KCNH7: variants seen among roughly 807,000 people sequenced by gnomAD.
KCNH7 encodes the protein voltage-gated inwardly rectifying potassium channel KCNH7.
In KCNH7, 49 loss-of-function variants were observed where a neutral mutation model predicts 120.8. That is an observed-to-expected ratio of 0.41 (90% CI 0.32 to 0.51). The LOEUF (loss-of-function observed/expected upper bound fraction) is 0.51, where lower values mean the gene tolerates loss of function less well. KCNH7 is among the 20% of genes least tolerant of loss of function. The pLI, the probability that KCNH7 is intolerant of heterozygous loss-of-function variation, is 0.38. For missense variants in KCNH7, 1,097 were observed against 1,446.6 expected, an observed-to-expected ratio of 0.76 and a Z score of 3.92; for synonymous variants, 547 against 516.1, an observed-to-expected ratio of 1.06 and a Z score of -0.81.
intron 2 of KCNH7, among the ~76,000 whole-genome samples, chr2:162,818,671 T>C (rs1017265895): frequency 2.0e-5 from 3 of 152,216 alleles, no homozygotes; most frequent in Non-Finnish European, 4.4e-5. Flanking sequence ...ATATTTCAAG[T>C]TCCAATTCAT....
At chr2:162,773,879 T>G (rs1427891850) in intron 2 of KCNH7, among the ~76,000 whole-genome samples, 1 of 152,232 alleles carries the variant, frequency 6.6e-6, no homozygotes, top group African/African-American at 2.4e-5. Flanking sequence ...TGTCTTTCTC[T>G]TAAAATTACA....
intron 2 of KCNH7, among the ~76,000 whole-genome samples, chr2:162,591,403 C>A (rs1173114650): frequency 6.6e-6 from 1 of 151,768 alleles, no homozygotes; most frequent in South Asian, 2.1e-4. Flanking sequence ...TAAAAAAAAA[C>A]AAGCTAGAGT....
chr2:162,430,590 T>C (rs916460776), intron 8 of KCNH7, among the ~76,000 whole-genome samples: 4 of 152,068 alleles, frequency 2.6e-5, no homozygotes, highest in African/African-American at 9.7e-5. Flanking sequence ...CCCATATTGT[T>C]TGCTTTCCTT....
rs148892002 is a variant in KCNH7, at chr2:162,565,964, A to G, written c.308-28884T>C. Among the ~76,000 whole-genome samples the G allele has an allele frequency of 1.2e-3, 176 of 152,228 alleles. 1 individual carries two copies. Among genetic ancestry groups the G allele is most frequent in the African/African-American group, 4.0e-3 (168 of 41,572 alleles). Reference sequence around the variant, plus strand: ...TGTGAAGATAAAGAGTATAATAGCTATAAGGTACTTTGTATGCTAAATACT... The same window carrying G: ...TGTGAAGATAAAGAGTATAATAGCTGTAAGGTACTTTGTATGCTAAATACT... On this transcript the variant is annotated intron_variant, in intron 2 of 15. Coordinates refer to ENST00000332142, the MANE Select transcript of KCNH7 (RefSeq NM_033272.4).
chr2:162,415,080 T>C (rs1415210621), intron 9 of KCNH7, among the ~76,000 whole-genome samples: 1 of 152,062 alleles, frequency 6.6e-6, no homozygotes, highest in Admixed American at 6.6e-5. Flanking sequence ...ATGCTATTTC[T>C]GTAAACCAAT....
intron 6 of KCNH7, among the ~76,000 whole-genome samples, chr2:162,476,143 T>A (rs1160793290): frequency 1.3e-5 from 2 of 152,092 alleles, no homozygotes; most frequent in Non-Finnish European, 2.9e-5. Flanking sequence ...ATTAAAGGAG[T>A]CTGGCGCCCA....
At chr2:162,652,742 T>A (rs1684610193) in intron 2 of KCNH7, among the ~76,000 whole-genome samples, 1 of 152,180 alleles carries the variant, frequency 6.6e-6, no homozygotes, top group African/African-American at 2.4e-5. Context: ...ACCCCTGTTG[T>A]ACAGTAATAG....
At chr2:162,606,927 G>A (rs1167102474) in intron 2 of KCNH7, among the ~76,000 whole-genome samples, 1 of 151,984 alleles carries the variant, frequency 6.6e-6, no homozygotes, top group Admixed American at 6.6e-5. Context: ...CATTCAAAAA[G>A]CAACTAAATT....
At chr2:162,455,872 C>A (rs1688944545) in intron 6 of KCNH7, among the ~76,000 whole-genome samples, 1 of 151,942 alleles carries the variant, frequency 6.6e-6, no homozygotes. Context: ...TTTTGTTAAT[C>A]CTTTCAAAAA....
chr2:162,664,437 T>C (rs139634519), intron 2 of KCNH7, among the ~76,000 whole-genome samples: 1 of 152,270 alleles, frequency 6.6e-6, no homozygotes, highest in East Asian at 1.9e-4. Flanking sequence ...TCTCTAAAAC[T>C]CACAAGCCTC....
chr2:162,705,477 T>A (rs573968097), intron 2 of KCNH7, among the ~76,000 whole-genome samples: 1 of 152,212 alleles, frequency 6.6e-6, no homozygotes, highest in South Asian at 2.1e-4. Context: ...GCACTGAAAT[T>A]GTGAGGTAGA....
intron 6 of KCNH7, among the ~76,000 whole-genome samples, chr2:162,504,182 A>C (rs568662990): frequency 8.7e-4 from 133 of 152,182 alleles, no homozygotes; most frequent in Non-Finnish European, 1.7e-3. Flanking sequence ...GACGAATAGC[A>C]GGTTAACCAC....
At chr2:162,688,699 A>G (rs1172174638) in intron 2 of KCNH7, among the ~76,000 whole-genome samples, 1 of 150,658 alleles carries the variant, frequency 6.6e-6, no homozygotes, top group African/African-American at 2.4e-5. Flanking sequence ...GTTCTGTGTT[A>G]TCTCTTTAAG....
intron 2 of KCNH7, among the ~76,000 whole-genome samples, chr2:162,556,181 TGGAA>T (rs1031700112): frequency 2.6e-5 from 4 of 152,148 alleles, no homozygotes; most frequent in Non-Finnish European, 4.4e-5. Context: ...GAATAGAATC[TGGAA>T]GGAAACACAC....
chr2:162,691,451 G>T (rs966141620), intron 2 of KCNH7, among the ~76,000 whole-genome samples: 7 of 152,070 alleles, frequency 4.6e-5, no homozygotes, highest in African/African-American at 1.7e-4. Context: ...AGCAGGTAGG[G>T]TAAGAGTGAT....
chr2:162,561,345 G>GT (rs1693057711), intron 2 of KCNH7, among the ~76,000 whole-genome samples: 1 of 152,190 alleles, frequency 6.6e-6, no homozygotes, highest in African/African-American at 2.4e-5. Context: ...CTTTAAACCA[G>GT]TTTTTTAAGT....
At chr2:162,473,807 CT>C (rs1216162607) in intron 6 of KCNH7, among the ~76,000 whole-genome samples, 2 of 152,172 alleles carry the variant, frequency 1.3e-5, no homozygotes, top group Non-Finnish European at 2.9e-5. Flanking sequence ...GAGAAAACCA[CT>C]TTGTCCAAAA....
At chr2:162,531,709 CA>C (rs1201857135) in intron 3 of KCNH7, among the ~76,000 whole-genome samples, 3 of 151,606 alleles carry the variant, frequency 2.0e-5, no homozygotes, top group African/African-American at 7.3e-5. Context: ...GAGTTTTCTC[CA>C]AGTATAATAT....
chr2:162,688,818 G>T (rs886985668), intron 2 of KCNH7, among the ~76,000 whole-genome samples: 1 of 151,442 alleles, frequency 6.6e-6, no homozygotes, highest in Non-Finnish European at 1.5e-5. Context: ...TAACAGGTGG[G>T]TGTATGGTCT....
Sources: allele counts gnomAD v4.1 joint callset (sites outside exome capture counted in the v4.1 genomes callset), GRCh38; gene constraint gnomAD v4.1.1; transcripts MANE v1.5; gene names NCBI Gene and HGNC (gene_info 2026-07-23, HGNC 2026-07-21).